PARD3: variants seen among roughly 807,000 people sequenced by gnomAD.
PARD3 encodes partitioning defective 3 homolog.
A neutral mutation model predicts 155.4 loss-of-function variants in PARD3; 75 were observed. That is an observed-to-expected ratio of 0.48 (90% CI 0.40 to 0.58). The LOEUF is 0.58. Ranked by LOEUF, PARD3 falls within the 20% of genes least tolerant of loss-of-function variation. The pLI, the probability that PARD3 is intolerant of heterozygous loss-of-function variation, is 0.00. For missense variants in PARD3, 1,642 were observed against 1,721.7 expected, an observed-to-expected ratio of 0.95 and a Z score of 0.82; for synonymous variants, 576 against 610.5, an observed-to-expected ratio of 0.94 and a Z score of 0.83.
intron 4 of PARD3, among the ~76,000 whole-genome samples, chr10:34,452,076 A>G (rs2077092747): frequency 1.3e-5 from 2 of 152,092 alleles, no homozygotes; most frequent in South Asian, 2.1e-4. Flanking sequence ...CGACAAAGAG[A>G]AGGAGGAATT....
chr10:34,709,735 GAGAGGGAGA>G (rs2094423188), intron 1 of PARD3, among the ~76,000 whole-genome samples: 1 of 152,182 alleles, frequency 6.6e-6, no homozygotes, highest in South Asian at 2.1e-4. Context: ...GCCCAAAACA[GAGAGGGAGA>G]AGGGAACTAC....
chr10:34,439,014 A>G (rs560006615), intron 5 of PARD3, among the ~76,000 whole-genome samples: 6 of 152,174 alleles, frequency 3.9e-5, no homozygotes, highest in Non-Finnish European at 7.3e-5. Context: ...AGAGAGAGAA[A>G]AACAAGAGAC....
chr10:34,565,756 T>C (rs2085892710), intron 2 of PARD3, among the ~76,000 whole-genome samples: 1 of 152,110 alleles, frequency 6.6e-6, no homozygotes, highest in Non-Finnish European at 1.5e-5. Flanking sequence ...TCCCTTAAGA[T>C]CCTGTGGAAA....
At chr10:34,402,166 A>G (rs1843956492) in intron 5 of PARD3, among the ~76,000 whole-genome samples, 1 of 152,140 alleles carries the variant, frequency 6.6e-6, no homozygotes, top group South Asian at 2.1e-4. Flanking sequence ...GAAAGAAAAC[A>G]AAAAAACAAA....
At chr10:34,314,069 G>A (rs749905214) in intron 20 of PARD3, among the ~76,000 whole-genome samples, 36 of 152,108 alleles carry the variant, frequency 2.4e-4, no homozygotes, top group Non-Finnish European at 4.7e-4. Context: ...GCACATGCAT[G>A]TTCTGATTAA....
chr10:34,355,937 AAAAAAAAAACAAAACAAAACC>A (rs1362937862), intron 14 of PARD3, among the ~76,000 whole-genome samples: 14 of 132,046 alleles, frequency 1.1e-4, no homozygotes, highest in African/African-American at 5.6e-4. Flanking sequence ...AAAAAAAAAA[AAAAAAAAAACAAAACAAAACC>A]AAACAAAAAA....
intron 22 of PARD3, among the ~76,000 whole-genome samples, chr10:34,194,492 T>A (rs1489926988): frequency 2.6e-5 from 4 of 152,092 alleles, no homozygotes; most frequent in Non-Finnish European, 5.9e-5. Context: ...CTTGAGATGA[T>A]CTCTCTAAAG....
chr10:34,761,181 C>T (rs2134016285), intron 1 of PARD3, among the ~76,000 whole-genome samples: 1 of 152,194 alleles, frequency 6.6e-6, no homozygotes, highest in African/African-American at 2.4e-5. Context: ...GAGGCTGAGG[C>T]AGGCAAATCA....
intron 2 of PARD3, among the ~76,000 whole-genome samples, chr10:34,653,737 C>A (rs144472306): frequency 5.3e-5 from 8 of 150,094 alleles, no homozygotes; most frequent in Middle Eastern, 6.8e-3. Flanking sequence ...GAGCTATGTT[C>A]GCACCTGTGA....
At chr10:34,710,180 G>A (rs2133619250) in intron 1 of PARD3, among the ~76,000 whole-genome samples, 1 of 152,194 alleles carries the variant, frequency 6.6e-6, no homozygotes, top group South Asian at 2.1e-4. Flanking sequence ...GTAAAAACAG[G>A]AAACAGGTTG....
chr10:34,272,070 G>GT (rs1333308070), intron 21 of PARD3, among the ~76,000 whole-genome samples: 1 of 152,116 alleles, frequency 6.6e-6, no homozygotes, highest in South Asian at 2.1e-4. Flanking sequence ...TAATAAAATA[G>GT]TTTTTTCAAC....
At chr10:34,298,690 G>A (rs1349214771) in intron 20 of PARD3, among the ~76,000 whole-genome samples, 1 of 152,198 alleles carries the variant, frequency 6.6e-6, no homozygotes, top group African/African-American at 2.4e-5. Context: ...AACAACGTGA[G>A]CACACTTACT....
At position 34,406,960 on chromosome 10, in the gene PARD3, T is replaced by C. The variant is rs144116578; in HGVS notation, c.715-5043A>G. Among the ~76,000 whole-genome samples the C allele has an allele frequency of 9.0e-4, 137 of 152,202 alleles. 2 individuals carry two copies. The highest frequency in any genetic ancestry group is 6.8e-3 in the Middle Eastern group (2 of 294). ...TTTGGATGTAACAGCATTGAAAGGA[T>C]GGGAACAAGAAACCAGAAGCAGTAT... On this transcript the variant is annotated intron_variant, in intron 5 of 24. Transcript: ENST00000374788.
chr10:34,344,187 ATG>A (rs2134333815), intron 15 of PARD3: 1 of 984,568 alleles, frequency 1.0e-6, no homozygotes, highest in Admixed American at 6.1e-5. Flanking sequence ...ACAAATGACA[ATG>A]TGTGATGTCT....
chr10:34,435,076 T>C (rs2076121309), intron 5 of PARD3, among the ~76,000 whole-genome samples: 1 of 152,206 alleles, frequency 6.6e-6, no homozygotes, highest in Admixed American at 6.5e-5. Context: ...TTCTAAACAC[T>C]TACATGCAAT....
intron 22 of PARD3, among the ~76,000 whole-genome samples, chr10:34,243,981 T>C (rs1488618972): frequency 1.3e-5 from 2 of 152,220 alleles, no homozygotes; most frequent in African/African-American, 4.8e-5. Flanking sequence ...TATACAGTTA[T>C]CTAGTTTTAC....
intron 12 of PARD3, among the ~76,000 whole-genome samples, chr10:34,363,683 G>C (rs1436801729): frequency 6.6e-6 from 1 of 152,088 alleles, no homozygotes; most frequent in Non-Finnish European, 1.5e-5. Context: ...CTTATCAACT[G>C]TTTCTCGAAT....
At chr10:34,548,117 T>C (rs1265611562) in intron 2 of PARD3, among the ~76,000 whole-genome samples, 2 of 152,178 alleles carry the variant, frequency 1.3e-5, no homozygotes, top group Non-Finnish European at 2.9e-5. Flanking sequence ...GAAACTCCAT[T>C]TTCTGTAGGT....
At chr10:34,586,672 C>T (rs929943762) in intron 2 of PARD3, among the ~76,000 whole-genome samples, 2 of 152,142 alleles carry the variant, frequency 1.3e-5, no homozygotes, top group Admixed American at 6.5e-5. Flanking sequence ...CATGGCCAGG[C>T]GCAGTGGCTC....
Sources: gnomAD v4.1 joint callset for allele counts (sites outside exome capture counted in the v4.1 genomes callset) on GRCh38, gnomAD v4.1.1 for gene constraint, MANE v1.5 for transcripts, NCBI Gene and HGNC (gene_info 2026-07-23, HGNC 2026-07-21) for gene names.